The following CIMAP1D variants were observed in gnomAD, a reference collection of about 807,000 sequenced individuals.
CIMAP1D encodes protein CIMAP1D.
chr19:479,009 C>T, the CIMAP1D span, among the ~76,000 whole-genome samples: 1 of 152,230 alleles, frequency 6.6e-6, no homozygotes, highest in African/African-American at 2.4e-5. Flanking sequence ...GTGCAGAGGG[C>T]ACGTCGCGCT....
chr19:484,180 C>T, the CIMAP1D span, among the ~76,000 whole-genome samples: 4 of 128,252 alleles, frequency 3.1e-5, no homozygotes, highest in Non-Finnish European at 4.7e-5. Context: ...TCACTCTTGT[C>T]ACCAGGCTGC....
At chr19:476,647 T>C in the CIMAP1D span, among the ~76,000 whole-genome samples, 1 of 152,232 alleles carries the variant, frequency 6.6e-6, no homozygotes, top group African/African-American at 2.4e-5. Context: ...TCTTAGTACA[T>C]ATCAAACTTT....
chr19:478,507 A>G, the CIMAP1D span, among the ~76,000 whole-genome samples: 1 of 152,248 alleles, frequency 6.6e-6, no homozygotes, highest in Non-Finnish European at 1.5e-5. Context: ...CGCCAGAACG[A>G]GCTGGGGCCC....
chr19:472,004 C>T, the CIMAP1D span, among the ~76,000 whole-genome samples: 1 of 152,220 alleles, frequency 6.6e-6, no homozygotes, highest in Admixed American at 6.5e-5. Context: ...CCTCAGCCTC[C>T]TTAAGTGCTG....
At chr19:487,260 T>C in the CIMAP1D span, among the ~76,000 whole-genome samples, 2 of 152,152 alleles carry the variant, frequency 1.3e-5, no homozygotes, top group African/African-American at 4.8e-5. Flanking sequence ...GATGGGAGTA[T>C]TTACAACACA....
the CIMAP1D span, chr19:472,592 C>A: frequency 1.1e-6 from 1 of 897,470 alleles, no homozygotes; most frequent in Admixed American, 3.4e-5. Context: ...GCCTGGGTTC[C>A]CCTCTCCCTC....
chr19:472,525 ACCT>A, the CIMAP1D span: 2 of 1,493,784 alleles, frequency 1.3e-6, no homozygotes, highest in Admixed American at 4.2e-5. Context: ...CCCTCAGGTC[ACCT>A]CCTGGGCCCA....
At chr19:489,878 CCAGCCAGG>C in the CIMAP1D span, 1 of 385,644 alleles carries the variant, frequency 2.6e-6, no homozygotes, top group East Asian at 3.7e-5. Flanking sequence ...GAGAACCCTC[CCAGCCAGG>C]AGGCTGCGGC....
the CIMAP1D span, chr19:464,419 C>T: frequency 4.5e-6 from 5 of 1,111,834 alleles, no homozygotes; most frequent in South Asian, 1.3e-5. Flanking sequence ...CCCAGAGACC[C>T]GGCCTGGCTC....
At chr19:468,029 C>T in the CIMAP1D span, among the ~76,000 whole-genome samples, 11 of 152,126 alleles carry the variant, frequency 7.2e-5, no homozygotes, top group East Asian at 3.9e-4. Flanking sequence ...CTAACCTCTG[C>T]GCAGGTGTGG....
At chr19:466,920 T>A in the CIMAP1D span, among the ~76,000 whole-genome samples, 3 of 80,228 alleles carry the variant, frequency 3.7e-5, no homozygotes, top group African/African-American at 5.3e-5. Context: ...GACGGGTGGA[T>A]AGATGGTTGG....
chr19:491,618 C>A, the CIMAP1D span, among the ~76,000 whole-genome samples: 1 of 151,738 alleles, frequency 6.6e-6, no homozygotes, highest in African/African-American at 2.4e-5. Context: ...CTTCCCCAGG[C>A]AGAGCCGGCC....
chr19:477,964 C>G, the CIMAP1D span, among the ~76,000 whole-genome samples: 16 of 152,322 alleles, frequency 1.1e-4, no homozygotes, highest in East Asian at 2.9e-3. Flanking sequence ...CGGCCTCTGC[C>G]TGAGCTCTCT....
the CIMAP1D span, among the ~76,000 whole-genome samples, chr19:471,334 G>C: frequency 2.0e-5 from 3 of 151,838 alleles, no homozygotes; most frequent in Non-Finnish European, 4.4e-5. Flanking sequence ...ATTTTTAGTA[G>C]AGACGGGGTT....
chr19:464,423 C>CA, the CIMAP1D span: 4 of 1,088,136 alleles, frequency 3.7e-6, no homozygotes, highest in South Asian at 1.4e-5. Context: ...GAGACCCGGC[C>CA]TGGCTCCCCA....
At chr19:467,939 C>T in the CIMAP1D span, among the ~76,000 whole-genome samples, 2 of 152,166 alleles carry the variant, frequency 1.3e-5, no homozygotes, top group Non-Finnish European at 2.9e-5. Flanking sequence ...AACTGGGTGC[C>T]TCAGGTCTCT....
chr19:472,628 G>T, the CIMAP1D span: 1 of 576,682 alleles, frequency 1.7e-6, no homozygotes, highest in Non-Finnish European at 3.0e-6. Flanking sequence ...GGGCCCCGGG[G>T]AGCAAGAGGC....
the CIMAP1D span, chr19:463,490 A>G: frequency 2.9e-6 from 1 of 344,292 alleles, no homozygotes; most frequent in Non-Finnish European, 5.3e-6. Context: ...ATGGGGATCC[A>G]GGCCCTAGTG....
the CIMAP1D span, among the ~76,000 whole-genome samples, chr19:481,674 C>T: frequency 6.6e-6 from 1 of 151,628 alleles, no homozygotes; most frequent in Non-Finnish European, 1.5e-5. Flanking sequence ...ATGATGGCAA[C>T]CAAGACCAAC....
Sources: allele counts gnomAD v4.1 joint callset (sites outside exome capture counted in the v4.1 genomes callset), GRCh38; gene constraint gnomAD v4.1.1; transcripts MANE v1.5; gene names NCBI Gene and HGNC (gene_info 2026-07-23, HGNC 2026-07-21).